The following AEN variants were observed in gnomAD, a reference collection of about 807,000 sequenced individuals.
The protein encoded by AEN is apoptosis-enhancing nuclease.
AEN carries 21 observed loss-of-function variants against 17.7 expected under a neutral mutation model. The observed-to-expected ratio is 1.19, with a 90% confidence interval of 0.84 to 1.71. AEN has a LOEUF of 1.71. AEN is among the 40% of genes most tolerant of loss of function. The pLI is 0.00. For synonymous variants in AEN, 190 were observed against 173.0 expected, an observed-to-expected ratio of 1.10 and a Z score of -0.77; for missense variants, 462 against 435.9, an observed-to-expected ratio of 1.06 and a Z score of -0.53.
upstream of AEN, among the ~76,000 whole-genome samples, chr15:88,619,851 G>C (rs769511411): frequency 6.6e-6 from 1 of 152,044 alleles, no homozygotes; most frequent in Non-Finnish European, 1.5e-5. Context: ...ATGCTACTTA[G>C]GTGGGGAGCT....
At chr15:88,612,397 C>T in the AEN span, among the ~76,000 whole-genome samples, 1 of 151,928 alleles carries the variant, frequency 6.6e-6, no homozygotes, top group African/African-American at 2.4e-5. Context: ...GGTGCCTGCT[C>T]CACAGCTGAG....
intron 1 of AEN, among the ~76,000 whole-genome samples, chr15:88,624,646 G>A (rs935290009): frequency 1.3e-5 from 2 of 152,196 alleles, no homozygotes; most frequent in Non-Finnish European, 2.9e-5. Context: ...CACTTTCGGA[G>A]GCCAAGGCAG....
intron 3 of AEN, 137 bp downstream of exon 3, chr15:88,629,563 T>G (rs1369885168): frequency 2.9e-6 from 3 of 1,030,582 alleles, no homozygotes; most frequent in Non-Finnish European, 4.2e-6. Context: ...GGGACCTTGC[T>G]TAAATGGGTC....
the AEN span, among the ~76,000 whole-genome samples, chr15:88,615,299 A>C: frequency 6.5e-4 from 99 of 152,258 alleles, 1 homozygote; most frequent in Middle Eastern, 0.01. Flanking sequence ...CCCTCGATCA[A>C]ATCCCTCCAG....
At chr15:88,605,304 G>A in the AEN span, among the ~76,000 whole-genome samples, 1 of 152,140 alleles carries the variant, frequency 6.6e-6, no homozygotes, top group Non-Finnish European at 1.5e-5. The surrounding 1 kb of genome is among the most constrained non-coding windows in gnomAD (Gnocchi z 7.6). Context: ...ACAGCCTCGC[G>A]GGAGCCGGCT....
At chr15:88,629,029 C>T (rs1477318647) in intron 2 of AEN, 197 bp from the exon 3 acceptor site, 7 of 599,538 alleles carry the variant, frequency 1.2e-5, no homozygotes, top group Admixed American at 6.0e-5. Context: ...AGGTATGCCC[C>T]TGGGTATAGA....
At chr15:88,610,782 C>T in the AEN span, among the ~76,000 whole-genome samples, 9 of 152,192 alleles carry the variant, frequency 5.9e-5, no homozygotes, top group African/African-American at 1.9e-4. Context: ...GGGTAATTAT[C>T]CTTCAGTTGC....
chr15:88,617,750 T>C (rs560064990), upstream of AEN, among the ~76,000 whole-genome samples: 210 of 152,170 alleles, frequency 1.4e-3, no homozygotes, highest in African/African-American at 4.9e-3. Flanking sequence ...TTCCCCACTA[T>C]ACCCTGTTAC....
the AEN span, among the ~76,000 whole-genome samples, chr15:88,610,215 T>A: frequency 6.6e-5 from 10 of 152,242 alleles, no homozygotes; most frequent in Non-Finnish European, 1.3e-4. Flanking sequence ...TTAGCATTGT[T>A]CTCTAATGGT....
intron 1 of AEN, among the ~76,000 whole-genome samples, chr15:88,622,211 C>T (rs1397500640): frequency 6.6e-6 from 1 of 152,170 alleles, no homozygotes; most frequent in Non-Finnish European, 1.5e-5. Context: ...CCCCTCCCTG[C>T]CTGAAGGCCG....
At chr15:88,609,164 A>G in the AEN span, among the ~76,000 whole-genome samples, 2 of 152,160 alleles carry the variant, frequency 1.3e-5, no homozygotes, top group African/African-American at 2.4e-5. Flanking sequence ...CATATTCTTT[A>G]TTGGCCCCAT....
At chr15:88,614,498 C>T in the AEN span, among the ~76,000 whole-genome samples, 1 of 152,186 alleles carries the variant, frequency 6.6e-6, no homozygotes, top group Non-Finnish European at 1.5e-5. Context: ...CAGCGCCTGG[C>T]CCTAACTTAC....
At chr15:88,619,039 C>A (rs2057760394), upstream of AEN, among the ~76,000 whole-genome samples, 1 of 152,174 alleles carries the variant, frequency 6.6e-6, no homozygotes, top group African/African-American at 2.4e-5. Context: ...TCAAGCAGTC[C>A]TCCAGCCTTG....
intron 1 of AEN, 89 bp from the exon 2 acceptor site, chr15:88,626,057 C>A: frequency 1.2e-6 from 1 of 847,082 alleles, no homozygotes; most frequent in South Asian, 2.0e-5. Context: ...GGCATCCCCA[C>A]CGTGGTGCAC....
At position 88,626,344 on chromosome 15, in the gene AEN, C is replaced by G. The variant is rs745356402; in HGVS notation, c.135C>G (p.Ala45=). 1.9e-6 allele frequency: 3 copies of G among 1,613,452 alleles called. No individual in the cohort carries two copies. The highest frequency in any genetic ancestry group is 1.1e-5 in the South Asian group (1 of 91,036). The stretch of plus-strand genomic sequence containing the variant: ...ACCAGCGGTTCATGGCCCGGAAGGC[C>G]TTGCTGCAGGAGCAGGGGCTGCTGA... ...RQHQRFMARK[A]LLQEQGLLSM... is the part of the protein sequence containing the mutation. The change falls in exon 2 of 4, where the codon GCC becomes GCG. Residue 45 remains alanine (A), a synonymous_variant. Transcript: ENST00000332810.
chr15:88,618,330 A>G (rs1305783537), upstream of AEN, among the ~76,000 whole-genome samples: 1 of 152,158 alleles, frequency 6.6e-6, no homozygotes, highest in Non-Finnish European at 1.5e-5. Flanking sequence ...GAAGCACCCT[A>G]TTGTACATTT....
rs147477549 is a variant in AEN, at chr15:88,626,507, G to T, written c.298G>T (p.Gly100Trp). 4 of 1,614,018 alleles carry T rather than the reference G, an allele frequency of 2.5e-6. No homozygotes were observed. In the African/African-American group the frequency reaches 4.0e-5, roughly 16 times the overall value. Residue 100 changes from glycine (G) to tryptophan (W), a missense_variant, in exon 2 of 4, where the codon GGG (glycine) becomes TGG (tryptophan). By Grantham distance (184) the Gly-to-Trp change is radical. Coordinates refer to ENST00000332810, the MANE Select transcript of AEN (RefSeq NM_022767.4). ...CCCATGCAGCAGAAGGCCTGCTCCC[G>T]GGAAAGCCTCAGGGCCCTTGCCCAG... ...SAPCSRRPAP[G>W]KASGPLPSKC...
rs767717044 is a variant in AEN, at chr15:88,626,362, G to A, written c.153G>A (p.Gly51=). The A allele has an allele frequency of 1.2e-6, 2 of 1,613,092 alleles. No individual in the cohort carries two copies. Among genetic ancestry groups the A allele is most frequent in the Admixed American group, 3.3e-5 (2 of 59,932 alleles). ...GGAAGGCCTTGCTGCAGGAGCAGGG[G>A]CTGCTGAGCATGCCTCCAGAACCAG... is the stretch of plus-strand genomic sequence containing the variant. ...MARKALLQEQ[G]LLSMPPEPGS... is the part of the protein sequence containing the mutation. Residue 51 remains glycine, a synonymous_variant, in exon 2 of 4, where the codon GGG becomes GGA. Coordinates refer to ENST00000332810, the MANE Select transcript of AEN (RefSeq NM_022767.4).
Position 88,631,623 on chromosome 15 carries a change from G to A in AEN, c.*1329G>A, listed in dbSNP as rs115459440. The A allele has an allele frequency of 4.8e-3, 733 of 152,990 alleles. 5 individuals are homozygous for A. Among genetic ancestry groups the A allele is most frequent in the African/African-American group, 0.017 (698 of 41,538 alleles). The allele number at this position is 152,990 out of a possible 1,614,324, so 9.5% of individuals were successfully genotyped here. ...CTTGGCACAGTGCCTGGCACATGGT[G>A]AGCCACAGCTACTGTGAGTTTCTGT... On this transcript the variant is annotated 3_prime_UTR_variant, in exon 4 of 4. Transcript: ENST00000332810.
Sources: allele counts gnomAD v4.1 joint callset (sites outside exome capture counted in the v4.1 genomes callset), GRCh38; gene constraint gnomAD v4.1.1; non-coding constraint Gnocchi (gnomAD v3.1); transcripts MANE v1.5; gene names NCBI Gene and HGNC (gene_info 2026-07-23, HGNC 2026-07-21).